Variants in CDH18 observed in about 807,000 individuals in gnomAD.
The protein encoded by CDH18 is cadherin 18.
In CDH18, 31 loss-of-function variants were observed where a neutral mutation model predicts 67.9. The ratio of observed to expected loss-of-function variants is 0.46; its 90% CI spans 0.34 to 0.62. The LOEUF is 0.62. Ranked by LOEUF, CDH18 falls within the 20% of genes least tolerant of loss-of-function variation. The pLI, the probability that CDH18 is intolerant of heterozygous loss-of-function variation, is 0.01. For missense variants in CDH18, 890 were observed against 975.5 expected (o/e 0.91, Z 1.17); for synonymous variants, 362 against 347.2 (o/e 1.04, Z -0.48).
At chr5:20,390,994 G>A (rs1387668059) in intron 1 of CDH18, among the ~76,000 whole-genome samples, 1 of 151,950 alleles carries the variant, frequency 6.6e-6, no homozygotes, top group Non-Finnish European at 1.5e-5. Context: ...TGGGGTGGGG[G>A]AAGAGGGGAG....
chr5:20,384,999 G>A (rs918181827), intron 1 of CDH18, among the ~76,000 whole-genome samples: 1 of 151,736 alleles, frequency 6.6e-6, no homozygotes, highest in Non-Finnish European at 1.5e-5. Context: ...ACCATGCCCC[G>A]CTAATTTTTG....
chr5:19,956,819 T>A (rs963667172), intron 2 of CDH18, among the ~76,000 whole-genome samples: 2 of 151,868 alleles, frequency 1.3e-5, no homozygotes, highest in Non-Finnish European at 2.9e-5. Flanking sequence ...ATTAGAAAAA[T>A]GTTACCATTG....
chr5:20,055,990 C>CTTTTTTTTTTTTTTT (rs34736791), intron 2 of CDH18, among the ~76,000 whole-genome samples: 1 of 73,804 alleles, frequency 1.4e-5, no homozygotes. Flanking sequence ...TTTTGGTTTC[C>CTTTTTTTTTTTTTTT]TTTTTTTTTT....
intron 5 of CDH18, among the ~76,000 whole-genome samples, chr5:19,679,841 G>T (rs1760025017): frequency 6.6e-6 from 1 of 151,730 alleles, no homozygotes; most frequent in Non-Finnish European, 1.5e-5. Context: ...AGGAATAATT[G>T]ATATTGTTAA....
chr5:20,404,482 C>A (rs1046242307), intron 1 of CDH18, among the ~76,000 whole-genome samples: 2 of 152,052 alleles, frequency 1.3e-5, no homozygotes, highest in Admixed American at 1.3e-4. Context: ...GGCCATTACA[C>A]AATTTTTTTA....
At chr5:19,582,376 T>A (rs760096006) in intron 7 of CDH18, among the ~76,000 whole-genome samples, 9 of 152,026 alleles carry the variant, frequency 5.9e-5, no homozygotes, top group African/African-American at 2.2e-4. Context: ...TAGGAATATA[T>A]GTGTCAAAAC....
chr5:19,898,352 T>TA (rs5866407), intron 2 of CDH18, among the ~76,000 whole-genome samples: 131,153 of 151,484 alleles, frequency 0.87, 57,129 homozygotes, highest in Non-Finnish European at 0.92. Flanking sequence ...TTCTTATAGT[T>TA]AAAAAAAACT....
Position 19,720,553 on chromosome 5 carries a change from A to AT in CDH18, c.643+793dup, listed in dbSNP as rs550165128. 5.0e-3 allele frequency among the ~76,000 whole-genome samples: 761 copies of AT among 152,234 alleles called. 3 individuals carry two copies. Among genetic ancestry groups the AT allele is most frequent in the African/African-American group, 0.018 (732 of 41,548 alleles). ...AATTGATTGTCAATGGGGACATGTG[A>AT]TTTTTTTATGGTTTTTGGATTCCGC... On this transcript the variant is annotated intron_variant, in intron 5 of 12. Coordinates refer to ENST00000382275, the MANE Select transcript of CDH18 (RefSeq NM_004934.5).
At chr5:20,012,482 G>A (rs1462646361) in intron 2 of CDH18, among the ~76,000 whole-genome samples, 1 of 151,070 alleles carries the variant, frequency 6.6e-6, no homozygotes, top group Non-Finnish European at 1.5e-5. Context: ...TTTTGTTGAA[G>A]CTGAGAGCCA....
At chr5:20,512,247 G>A (rs565826660) in intron 1 of CDH18, among the ~76,000 whole-genome samples, 250 of 151,914 alleles carry the variant, frequency 1.6e-3, no homozygotes, top group African/African-American at 5.8e-3. Flanking sequence ...ATAAATGCTC[G>A]CTATTTTGTG....
chr5:20,096,607 C>T lies in CDH18; in HGVS notation c.-517-104593G>A, dbSNP rs117033050. Among the ~76,000 whole-genome samples, 85 of 152,048 alleles carry T rather than the reference C, an allele frequency of 5.6e-4. 2 individuals carry two copies. In the East Asian group the frequency reaches 0.015, roughly 26 times the overall value. Reference sequence around the variant, plus strand: ...AGGCATTAAATTTAAATAAATTGTTCTAAGATATTAGCATTTTCTTGAAAA... The same window carrying T: ...AGGCATTAAATTTAAATAAATTGTTTTAAGATATTAGCATTTTCTTGAAAA... On this transcript the variant is annotated intron_variant, in intron 2 of 14. Transcript: ENST00000507958.
chr5:20,011,552 T>C (rs1580024595), intron 2 of CDH18, among the ~76,000 whole-genome samples: 3 of 152,302 alleles, frequency 2.0e-5, no homozygotes, highest in South Asian at 4.1e-4. Flanking sequence ...GGTGAATGCA[T>C]CCAGCTTTTG....
intron 1 of CDH18, among the ~76,000 whole-genome samples, chr5:20,525,426 G>T (rs147057050): frequency 6.6e-6 from 1 of 152,002 alleles, no homozygotes; most frequent in Non-Finnish European, 1.5e-5. Context: ...AGGCTGAAAA[G>T]CAACACCCTG....
At chr5:19,795,255 G>T (rs1031347557) in intron 3 of CDH18, among the ~76,000 whole-genome samples, 1 of 152,126 alleles carries the variant, frequency 6.6e-6, no homozygotes, top group African/African-American at 2.4e-5. Context: ...TGTCTGGAAA[G>T]AGTTGACAAC....
At chr5:19,814,596 T>C (rs1485498312) in intron 3 of CDH18, among the ~76,000 whole-genome samples, 2 of 152,022 alleles carry the variant, frequency 1.3e-5, no homozygotes, top group Non-Finnish European at 2.9e-5. Context: ...TCACGAACCC[T>C]ATACCCTTTT....
chr5:19,764,372 G>GA (rs1296480465), intron 3 of CDH18, among the ~76,000 whole-genome samples: 1 of 151,856 alleles, frequency 6.6e-6, no homozygotes, highest in Non-Finnish European at 1.5e-5. Context: ...TGGTAATTGA[G>GA]AAAATCACAT....
At chr5:20,267,531 G>A (rs572498373) in intron 1 of CDH18, among the ~76,000 whole-genome samples, 1 of 152,136 alleles carries the variant, frequency 6.6e-6, no homozygotes, top group Admixed American at 6.6e-5. Context: ...CAATTCATGA[G>A]TATAAAATAT....
chr5:19,855,909 A>T (rs552617079), intron 2 of CDH18, among the ~76,000 whole-genome samples: 1 of 152,274 alleles, frequency 6.6e-6, no homozygotes, highest in Admixed American at 6.5e-5. Flanking sequence ...GGTGGTTTTT[A>T]GAAAAAGGGA....
At chr5:19,660,536 C>T (rs1251217608) in intron 5 of CDH18, among the ~76,000 whole-genome samples, 1 of 152,130 alleles carries the variant, frequency 6.6e-6, no homozygotes, top group Non-Finnish European at 1.5e-5. Context: ...ATATTATTTA[C>T]AGTTTCTTTT....
Sources: gnomAD v4.1 joint callset for allele counts (sites outside exome capture counted in the v4.1 genomes callset) on GRCh38, gnomAD v4.1.1 for gene constraint, MANE v1.5 for transcripts, NCBI Gene and HGNC (gene_info 2026-07-23, HGNC 2026-07-21) for gene names.